Variants in GALNT17 observed in about 807,000 individuals in gnomAD.
GALNT17 encodes UDP-GalNAc:polypeptide N-acetylgalactosaminyltransferase-like 3.
Under a neutral mutation model 63.7 loss-of-function variants are expected in GALNT17, and 29 were observed. The observed-to-expected ratio is 0.46, with a 90% CI of 0.34 to 0.62. GALNT17 has a LOEUF of 0.62. GALNT17 is among the 20% of genes least tolerant of loss of function. The pLI is 0.01. For synonymous variants in GALNT17, 305 were observed against 318.3 expected (o/e 0.96, Z 0.45); for missense variants, 603 against 799.6 (o/e 0.75, Z 2.97).
intron 1 of GALNT17, among the ~76,000 whole-genome samples, chr7:71,138,124 A>C (rs1562852937): frequency 1.3e-5 from 2 of 152,172 alleles, no homozygotes; most frequent in African/African-American, 2.4e-5. Flanking sequence ...AGGTGAGAAG[A>C]TCAGTTGAGG....
In GALNT17 at chr7:71,276,140, C is replaced by T. The variant is rs565942400; in HGVS notation, c.239-59410C>T. Among the ~76,000 whole-genome samples, 8 of 152,248 alleles carry T rather than the reference C, an allele frequency of 5.3e-5. No individual in the cohort carries two copies. The South Asian group carries it at 1.5e-3, about 28-fold the overall frequency. Reference sequence around the variant, plus strand: ...TTGTTGGCTGCGGCCTCTCCGGCACCTGAGAACAGCAGCCGGCATGTGATG... The same window carrying T: ...TTGTTGGCTGCGGCCTCTCCGGCACTTGAGAACAGCAGCCGGCATGTGATG... On this transcript the variant is annotated intron_variant, in intron 1 of 10. Transcript: ENST00000333538.
chr7:71,676,816 A>G (rs1791156992), intron 8 of GALNT17, among the ~76,000 whole-genome samples: 4 of 152,194 alleles, frequency 2.6e-5, no homozygotes, highest in Admixed American at 2.0e-4. Context: ...ACTGGATTTT[A>G]CAAGCCACTT....
At chr7:71,607,348 A>G (rs1790061962) in intron 6 of GALNT17, among the ~76,000 whole-genome samples, 1 of 152,230 alleles carries the variant, frequency 6.6e-6, no homozygotes, top group South Asian at 2.1e-4. Context: ...GAATAAACTT[A>G]AAAAATCTAA....
At chr7:71,239,862 A>C (rs556297168) in intron 1 of GALNT17, among the ~76,000 whole-genome samples, 65 of 152,358 alleles carry the variant, frequency 4.3e-4, no homozygotes, top group Admixed American at 1.2e-3. Context: ...TGAGTTTTAC[A>C]TTGTTATTCT....
intron 1 of GALNT17, among the ~76,000 whole-genome samples, chr7:71,186,196 G>T (rs894932550): frequency 2.0e-5 from 3 of 152,078 alleles, no homozygotes; most frequent in African/African-American, 7.2e-5. Context: ...AATATTTTCT[G>T]GCTAATTTCC....
intron 1 of GALNT17, among the ~76,000 whole-genome samples, chr7:71,250,228 T>G (rs1790171609): frequency 6.6e-6 from 1 of 152,188 alleles, no homozygotes. Flanking sequence ...TTTCTGAAAA[T>G]ATTTATGGAT....
chr7:71,424,892 CTGA>C (rs1369887845), intron 5 of GALNT17, among the ~76,000 whole-genome samples: 4 of 152,328 alleles, frequency 2.6e-5, no homozygotes, highest in African/African-American at 7.2e-5. Context: ...TCTTTAGATA[CTGA>C]GACTTCCCGG....
At chr7:71,264,764 GAAGT>G (rs986719249) in intron 1 of GALNT17, among the ~76,000 whole-genome samples, 5 of 152,024 alleles carry the variant, frequency 3.3e-5, no homozygotes, top group Non-Finnish European at 7.4e-5. Flanking sequence ...CTCATATGTG[GAAGT>G]TAAAAAAGTC....
chr7:71,415,745 G>A (rs1342986658), intron 3 of GALNT17, 144 bp from the exon 4 acceptor site: 1 of 903,322 alleles, frequency 1.1e-6, no homozygotes, highest in Non-Finnish European at 1.6e-6. Context: ...AGACTGATGA[G>A]ATTTTCTTTT....
intron 5 of GALNT17, among the ~76,000 whole-genome samples, chr7:71,467,400 G>A (rs1311287062): frequency 6.6e-6 from 1 of 152,156 alleles, no homozygotes; most frequent in Non-Finnish European, 1.5e-5. Context: ...ACAGGAGATG[G>A]AGTAAATATC....
chr7:71,675,988 CA>C (rs1311263263), intron 8 of GALNT17, among the ~76,000 whole-genome samples: 5 of 151,646 alleles, frequency 3.3e-5, no homozygotes, highest in African/African-American at 1.2e-4. Context: ...AACTCTGTCC[CA>C]AAAAAAGAAA....
chr7:71,164,665 A>G (rs757192608), intron 1 of GALNT17, among the ~76,000 whole-genome samples: 1 of 152,226 alleles, frequency 6.6e-6, no homozygotes, highest in Non-Finnish European at 1.5e-5. Context: ...CACAGAACCA[A>G]CACATTTTCA....
At chr7:71,193,851 T>A (rs1441795386) in intron 1 of GALNT17, among the ~76,000 whole-genome samples, 1 of 152,206 alleles carries the variant, frequency 6.6e-6, no homozygotes, top group Non-Finnish European at 1.5e-5. Context: ...AATAAAATAA[T>A]GTGTTGTGGT....
At chr7:71,608,144 C>CT (rs1427162500) in intron 6 of GALNT17, among the ~76,000 whole-genome samples, 3 of 152,142 alleles carry the variant, frequency 2.0e-5, no homozygotes, top group African/African-American at 7.2e-5. Context: ...ACTAATACCT[C>CT]TTTTTACTCT....
intron 2 of GALNT17, among the ~76,000 whole-genome samples, chr7:71,384,885 G>A (rs987156764): frequency 3.3e-5 from 5 of 152,242 alleles, no homozygotes; most frequent in African/African-American, 7.2e-5. Flanking sequence ...GGAGCTCACC[G>A]TCCCCACCTT....
At chr7:71,407,643 G>A (rs1024445884) in intron 3 of GALNT17, among the ~76,000 whole-genome samples, 10 of 152,148 alleles carry the variant, frequency 6.6e-5, no homozygotes, top group African/African-American at 2.4e-4. Context: ...AGCTACTCAG[G>A]AAGCTGAGGC....
At chr7:71,234,131 C>G (rs1379583925) in intron 1 of GALNT17, among the ~76,000 whole-genome samples, 1 of 152,200 alleles carries the variant, frequency 6.6e-6, no homozygotes, top group Non-Finnish European at 1.5e-5. Flanking sequence ...CAAACCATAT[C>G]AACACACTTC....
chr7:71,623,409 C>CTATTT (rs895021152), intron 6 of GALNT17, among the ~76,000 whole-genome samples: 7 of 133,470 alleles, frequency 5.2e-5, no homozygotes, highest in African/African-American at 1.4e-4. Flanking sequence ...TTTTTCATTT[C>CTATTT]TATTTTATTT....
At chr7:71,622,435 T>G (rs955174345) in intron 6 of GALNT17, among the ~76,000 whole-genome samples, 6 of 152,190 alleles carry the variant, frequency 3.9e-5, no homozygotes, top group Non-Finnish European at 8.8e-5. Context: ...GATATCTTCT[T>G]GTCTCTAGGA....
Sources: allele counts gnomAD v4.1 joint callset (sites outside exome capture counted in the v4.1 genomes callset), GRCh38; gene constraint gnomAD v4.1.1; transcripts MANE v1.5; gene names NCBI Gene and HGNC (gene_info 2026-07-23, HGNC 2026-07-21).